The following CDH10 variants were observed in gnomAD, a reference collection of about 807,000 sequenced individuals.
The protein encoded by CDH10 is cadherin-10.
CDH10 carries 30 observed loss-of-function variants against 73.1 expected under a neutral mutation model. That is an observed-to-expected ratio of 0.41 (90% CI 0.31 to 0.56). The LOEUF (loss-of-function observed/expected upper bound fraction) is 0.56, where lower values mean the gene tolerates loss of function less well. CDH10 is among the 20% of genes least tolerant of loss of function. The pLI is 0.27. For synonymous variants in CDH10, 345 were observed against 348.2 expected, an observed-to-expected ratio of 0.99 and a Z score of 0.10; for missense variants, 815 against 973.7, an observed-to-expected ratio of 0.84 and a Z score of 2.17.
At chr5:24,608,317 G>T (rs1746829777) in intron 1 of CDH10, among the ~76,000 whole-genome samples, 1 of 151,760 alleles carries the variant, frequency 6.6e-6, no homozygotes, top group South Asian at 2.1e-4. Context: ...ATTTTGAGAT[G>T]GAGTCTCACT....
chr5:24,523,584 A>G (rs1419573110), intron 5 of CDH10, among the ~76,000 whole-genome samples: 2 of 152,086 alleles, frequency 1.3e-5, no homozygotes, highest in African/African-American at 2.4e-5. Flanking sequence ...TTGTTCTCAA[A>G]CATTTTATTT....
chr5:24,564,586 C>T (rs948353190), intron 2 of CDH10, among the ~76,000 whole-genome samples: 13 of 152,104 alleles, frequency 8.5e-5, no homozygotes, highest in African/African-American at 1.4e-4. Flanking sequence ...AAGTCCCCCA[C>T]GGCCCCCTCC....
At chr5:24,607,649 T>C (rs1746805156) in intron 1 of CDH10, among the ~76,000 whole-genome samples, 1 of 152,182 alleles carries the variant, frequency 6.6e-6, no homozygotes. Context: ...TGTCCGTTAG[T>C]TTTTTATGAC....
At chr5:24,644,087 GA>G (rs1173644815) in intron 1 of CDH10, among the ~76,000 whole-genome samples, 1 of 152,054 alleles carries the variant, frequency 6.6e-6, no homozygotes, top group Admixed American at 6.6e-5. Context: ...CAGTTTCAAG[GA>G]ATCTGTCTTC....
chr5:24,644,754 T>C lies in CDH10; in HGVS notation c.-284A>G, dbSNP rs1336895690. On this transcript the variant is annotated 5_prime_UTR_variant, in exon 1 of 12. Coordinates refer to ENST00000264463, the MANE Select transcript of CDH10 (RefSeq NM_006727.5). ...TCTTTCTCAGCATCACTTTTAACTC[T>C]GGACAGCAGGGAACCGAAGAAAACG... 3 of 150,586 alleles carry C rather than the reference T, an allele frequency of 2.0e-5. No homozygotes were observed. Among genetic ancestry groups the C allele is most frequent in the Non-Finnish European group, 4.4e-5 (3 of 67,844 alleles). 9.3% of individuals were successfully genotyped at this position (150,586 alleles called of 1,614,324 possible). A position where few individuals can be genotyped will look rare whatever the true frequency, so the allele number is the denominator to read the frequency against.
chr5:24,585,349 C>G (rs1047552583), intron 2 of CDH10, among the ~76,000 whole-genome samples: 1 of 152,128 alleles, frequency 6.6e-6, no homozygotes, highest in South Asian at 2.1e-4. Flanking sequence ...TTCCTTGGAA[C>G]GTTTTGCTTC....
intron 2 of CDH10, among the ~76,000 whole-genome samples, chr5:24,567,126 T>C (rs143392398): frequency 0.015 from 2,204 of 151,998 alleles, 58 homozygotes; most frequent in African/African-American, 0.051. Flanking sequence ...ATCAGAAAAA[T>C]GCAAATAAAA....
At chr5:24,644,104 G>A (rs1412635097) in intron 1 of CDH10, among the ~76,000 whole-genome samples, 1 of 152,112 alleles carries the variant, frequency 6.6e-6, no homozygotes, top group African/African-American at 2.4e-5. Flanking sequence ...TCTTCTGCCT[G>A]TCATTTCTGT....
At chr5:24,502,406 G>A (rs996760499) in intron 8 of CDH10, among the ~76,000 whole-genome samples, 20 of 152,110 alleles carry the variant, frequency 1.3e-4, no homozygotes, top group Non-Finnish European at 2.9e-4. Context: ...ACATTTGAAC[G>A]TCATTGTGTC....
chr5:24,617,133 G>A (rs1420550513), intron 1 of CDH10, among the ~76,000 whole-genome samples: 2 of 152,104 alleles, frequency 1.3e-5, no homozygotes, highest in South Asian at 4.2e-4. Flanking sequence ...TGAGACTTTG[G>A]ACTAGACAAT....
chr5:24,583,850 G>A (rs1050819907), intron 2 of CDH10, among the ~76,000 whole-genome samples: 5 of 152,068 alleles, frequency 3.3e-5, no homozygotes, highest in African/African-American at 1.2e-4. Context: ...TCCTCATCTT[G>A]GCCAGGCTGG....
intron 2 of CDH10, among the ~76,000 whole-genome samples, chr5:24,586,641 C>T (rs983533563): frequency 2.0e-5 from 3 of 150,968 alleles, no homozygotes; most frequent in African/African-American, 7.3e-5. Flanking sequence ...AACAAGATTT[C>T]GCCATGTTGG....
chr5:24,565,565 G>A (rs1745137298), intron 2 of CDH10, among the ~76,000 whole-genome samples: 1 of 152,090 alleles, frequency 6.6e-6, no homozygotes, highest in Non-Finnish European at 1.5e-5. Context: ...ATTTATTATG[G>A]ACTAGATGTT....
At chr5:24,641,867 T>C (rs1448016458) in intron 1 of CDH10, among the ~76,000 whole-genome samples, 7 of 152,184 alleles carry the variant, frequency 4.6e-5, no homozygotes, top group African/African-American at 1.4e-4. Flanking sequence ...TAATTGAAAG[T>C]AGAGTTTTCA....
rs143196281 is a variant in CDH10, at chr5:24,554,119, G to GAGAGAGAGAGA, written c.232-16446_232-16445insTCTCTCTCTCT. 15 of 39,790 alleles carry GAGAGAGAGAGA rather than the reference G, an allele frequency of 3.8e-4. 4 individuals are homozygous for GAGAGAGAGAGA. The highest frequency in any genetic ancestry group is 5.8e-4 in the Non-Finnish European group (10 of 17,252). 2.5% of individuals were successfully genotyped at this position (39,790 alleles called of 1,614,324 possible). A position where few individuals can be genotyped will look rare whatever the true frequency, so the allele number is the denominator to read the frequency against. ...AGAGAAGGGGAGGTGGGCGGGGGGG[G>GAGAGAGAGAGA]GAGAGAGAGAGACATTCAATCAGCC... On this transcript the variant is annotated intron_variant, in intron 2 of 11. Coordinates refer to ENST00000264463, the MANE Select transcript of CDH10 (RefSeq NM_006727.5).
At chr5:24,549,659 C>T (rs1744474897) in intron 2 of CDH10, among the ~76,000 whole-genome samples, 1 of 150,318 alleles carries the variant, frequency 6.7e-6, no homozygotes, top group Non-Finnish European at 1.5e-5. Flanking sequence ...TCAAGCGATT[C>T]TCCTGCCTCA....
intron 2 of CDH10, among the ~76,000 whole-genome samples, chr5:24,538,064 A>C (rs1744022967): frequency 6.6e-6 from 1 of 152,062 alleles, no homozygotes; most frequent in Non-Finnish European, 1.5e-5. Flanking sequence ...TAAATGGTGC[A>C]AAACAAAATC....
intron 1 of CDH10, among the ~76,000 whole-genome samples, chr5:24,625,343 T>A (rs1747457000): frequency 6.6e-6 from 1 of 151,862 alleles, no homozygotes; most frequent in Admixed American, 6.6e-5. Context: ...AAGCCAGATG[T>A]CTTAGTAATA....
At chr5:24,573,649 G>C (rs1446028441) in intron 2 of CDH10, among the ~76,000 whole-genome samples, 1 of 148,670 alleles carries the variant, frequency 6.7e-6, no homozygotes, top group Admixed American at 6.7e-5. Context: ...TGCAGTGAGC[G>C]GAGATCGCGC....
Sources: allele counts gnomAD v4.1 joint callset (sites outside exome capture counted in the v4.1 genomes callset), GRCh38; gene constraint gnomAD v4.1.1; transcripts MANE v1.5; gene names NCBI Gene and HGNC (gene_info 2026-07-23, HGNC 2026-07-21).